C1orf105: variants seen among roughly 807,000 people sequenced by gnomAD.
The protein encoded by C1orf105 is uncharacterized protein C1orf105.
C1orf105 carries 17 observed loss-of-function variants against 20.8 expected under a neutral mutation model. The ratio of observed to expected loss-of-function variants is 0.82; its 90% CI spans 0.56 to 1.23. C1orf105 has a LOEUF of 1.23. Ranked by LOEUF, C1orf105 falls within the 50% of genes most tolerant of loss-of-function variation. C1orf105 has a pLI of 0.00. For missense variants in C1orf105, 219 were observed against 213.5 expected (o/e 1.03, Z -0.16); for synonymous variants, 72 against 72.1 (o/e 1.00, Z 0.01).
intron 1 of C1orf105, among the ~76,000 whole-genome samples, chr1:172,421,135 T>C (rs1169822564): frequency 6.6e-6 from 1 of 152,196 alleles, no homozygotes; most frequent in Non-Finnish European, 1.5e-5. Flanking sequence ...TCGTATAGTT[T>C]GGAAAAAATG....
intron 1 of C1orf105, chr1:172,444,028 C>A: frequency 1.0e-6 from 1 of 1,000,142 alleles, no homozygotes; most frequent in South Asian, 4.7e-5. Context: ...GACGGCGGCA[C>A]CCAGCCTTTT....
chr1:172,463,016 A>C (rs1348194091), intron 5 of C1orf105, among the ~76,000 whole-genome samples: 4 of 152,064 alleles, frequency 2.6e-5, no homozygotes. Context: ...ACCTCTGGTG[A>C]TCTGCCCGCC....
chr1:172,432,838 C>T (rs1485803496), intron 1 of C1orf105, among the ~76,000 whole-genome samples: 22 of 152,274 alleles, frequency 1.4e-4, no homozygotes. Flanking sequence ...GAAGCATGTT[C>T]TAAGCAATCG....
At chr1:172,437,494 C>T (rs1023333445) in intron 1 of C1orf105, among the ~76,000 whole-genome samples, 4 of 147,062 alleles carry the variant, frequency 2.7e-5, no homozygotes, top group Non-Finnish European at 4.4e-5. Flanking sequence ...GACAGAAAAC[C>T]GAACACCACA....
intron 1 of C1orf105, chr1:172,442,859 A>G: frequency 4.1e-6 from 2 of 482,628 alleles, no homozygotes; most frequent in Non-Finnish European, 7.7e-6. Flanking sequence ...TGAACCTACG[A>G]AAGTTGTGAA....
At chr1:172,460,926 A>C (rs1414451617) in intron 4 of C1orf105, among the ~76,000 whole-genome samples, 2 of 152,244 alleles carry the variant, frequency 1.3e-5, no homozygotes, top group Non-Finnish European at 2.9e-5. Flanking sequence ...CCCCTGTAGC[A>C]CAGTTCATTC....
At chr1:172,444,577 A>G (rs1558134319) in intron 1 of C1orf105, among the ~76,000 whole-genome samples, 1 of 152,212 alleles carries the variant, frequency 6.6e-6, no homozygotes, top group Admixed American at 6.5e-5. Context: ...GGACAAATCT[A>G]AGGCTCAGAT....
In C1orf105 at chr1:172,450,565, A is replaced by C. The variant is rs1648511169; in HGVS notation, c.198+2034A>C. Among the ~76,000 whole-genome samples, 3 of 152,250 alleles carry C rather than the reference A, an allele frequency of 2.0e-5. No individual in the cohort carries two copies. The South Asian group carries it at 6.2e-4, about 31-fold the overall frequency. ...GATCTCTTCCTTCATTCTCTAAATC[A>C]GGGACCTGACAAGAAGCTGCTGGCA... On this transcript the variant is annotated intron_variant, in intron 3 of 6. Transcript: ENST00000367727.
intron 5 of C1orf105, among the ~76,000 whole-genome samples, 162 bp from the exon 6 acceptor site, chr1:172,465,137 C>T (rs1162904335): frequency 6.6e-6 from 1 of 151,974 alleles, no homozygotes; most frequent in Non-Finnish European, 1.5e-5. Context: ...GAGCCGAGAT[C>T]GCACCACTGC....
chr1:172,449,107 C>T (rs1294405442), intron 3 of C1orf105, among the ~76,000 whole-genome samples: 1 of 152,178 alleles, frequency 6.6e-6, no homozygotes, highest in Non-Finnish European at 1.5e-5. Context: ...ACAGGGCTGT[C>T]ATAGGCAGTG....
In C1orf105 at chr1:172,442,230, A is replaced by G. The variant is rs61747502; in HGVS notation, c.22-2843A>G. On this transcript the variant is annotated intron_variant, in intron 1 of 6. Transcript: ENST00000367727. ...GGGTCTTCAGCACTGGTGAAAACCC[A>G]TAAGTGAAAGTAATGAAGACTAGGG... The G allele has an allele frequency of 1.9e-3, 3,027 of 1,613,998 alleles. 4 individuals carry two copies. The highest frequency in any genetic ancestry group is 2.4e-3 in the Non-Finnish European group (2,777 of 1,179,872).
At chr1:172,462,460 T>C (rs1313404919) in intron 5 of C1orf105, among the ~76,000 whole-genome samples, 1 of 152,196 alleles carries the variant, frequency 6.6e-6, no homozygotes, top group African/African-American at 2.4e-5. Flanking sequence ...TTGTAGAAAG[T>C]ATAATCTTCC....
At chr1:172,431,742 C>T (rs2071879843) in intron 1 of C1orf105, among the ~76,000 whole-genome samples, 1 of 152,220 alleles carries the variant, frequency 6.6e-6, no homozygotes, top group Non-Finnish European at 1.5e-5. Flanking sequence ...CCTGGTTGGA[C>T]AGTGAGTACA....
At chr1:172,435,604 T>G (rs2149164179) in intron 1 of C1orf105, among the ~76,000 whole-genome samples, 1 of 152,292 alleles carries the variant, frequency 6.6e-6, no homozygotes, top group East Asian at 1.9e-4. Context: ...CTCAAAATAA[T>G]AAGAGCTACT....
chr1:172,431,751 C>T (rs1375259878), intron 1 of C1orf105, among the ~76,000 whole-genome samples: 1 of 152,204 alleles, frequency 6.6e-6, no homozygotes, highest in African/African-American at 2.4e-5. Context: ...ACAGTGAGTA[C>T]AGTCGATGGA....
At chr1:172,465,141 C>A (rs1000182489) in intron 5 of C1orf105, among the ~76,000 whole-genome samples, 158 bp from the exon 6 acceptor site, 2 of 152,058 alleles carry the variant, frequency 1.3e-5, no homozygotes, top group Non-Finnish European at 2.9e-5. Context: ...CGAGATCGCA[C>A]CACTGCACTC....
rs181855196 is a variant in C1orf105, at chr1:172,468,501, C to T, written c.459C>T (p.His153=). The T allele has an allele frequency of 8.7e-5, 140 of 1,613,876 alleles. 4 individuals are homozygous for T. In the East Asian group the frequency reaches 1.2e-3, roughly 14 times the overall value. Residue 153 remains histidine (H), a synonymous_variant, in exon 7 of 7, where the codon CAC becomes CAT. Coordinates refer to ENST00000367727, the MANE Select transcript of C1orf105 (RefSeq NM_139240.4). Reference sequence around the variant, plus strand: ...TGGGCCCCAGGACAGCTGTCTTCCACGGATTACTGACAGAGGCCTACAAAA... The same window carrying T: ...TGGGCCCCAGGACAGCTGTCTTCCATGGATTACTGACAGAGGCCTACAAAA... ...PILGPRTAVF[H]GLLTEAYKTL...
intron 1 of C1orf105, among the ~76,000 whole-genome samples, chr1:172,440,016 A>T (rs2072169177): frequency 6.6e-6 from 1 of 151,964 alleles, no homozygotes; most frequent in African/African-American, 2.4e-5. Context: ...AAAACCACCA[A>T]TTTTTTTTAT....
chr1:172,458,511 A>G (rs1490441985), intron 4 of C1orf105, among the ~76,000 whole-genome samples: 2 of 152,212 alleles, frequency 1.3e-5, no homozygotes, highest in East Asian at 3.8e-4. Context: ...CAAGAGCTAT[A>G]CAATGAAAAG....
Sources: allele counts gnomAD v4.1 joint callset (sites outside exome capture counted in the v4.1 genomes callset), GRCh38; gene constraint gnomAD v4.1.1; transcripts MANE v1.5; gene names NCBI Gene and HGNC (gene_info 2026-07-23, HGNC 2026-07-21).